The following CDK14 variants were observed in gnomAD, a reference collection of about 807,000 sequenced individuals.
The protein encoded by CDK14 is cyclin dependent kinase 14, also known as cyclin-dependent kinase 14.
In CDK14, 34 loss-of-function variants were observed where a neutral mutation model predicts 60.7. The observed-to-expected ratio is 0.56, with a 90% CI of 0.43 to 0.75. The LOEUF is 0.75. CDK14 is among the 30% of genes least tolerant of loss of function. CDK14 has a pLI of 0.00. For missense variants in CDK14, 482 were observed against 564.1 expected, an observed-to-expected ratio of 0.85 and a Z score of 1.47; for synonymous variants, 197 against 203.7, an observed-to-expected ratio of 0.97 and a Z score of 0.28.
rs1198790701 is a variant in CDK14, at chr7:90,872,546, T to C, written c.639+9277T>C. The stretch of plus-strand genomic sequence containing the variant: ...AATTGGTAGGACAAAATAAATTAAC[T>C]TCTTTTCTATCCTTTTCCCTAATGG... On this transcript the variant is annotated intron_variant, in intron 6 of 14. Coordinates refer to ENST00000380050, the MANE Select transcript of CDK14 (RefSeq NM_001287135.2). 2.0e-5 allele frequency among the ~76,000 whole-genome samples: 3 copies of C among 152,286 alleles called. No individual in the cohort carries two copies. The East Asian group carries it at 5.8e-4, about 29-fold the overall frequency.
intron 2 of CDK14, among the ~76,000 whole-genome samples, chr7:90,677,972 T>C (rs1801234493): frequency 6.6e-6 from 1 of 152,190 alleles, no homozygotes; most frequent in Non-Finnish European, 1.5e-5. Flanking sequence ...GCCACTGAGT[T>C]GCCTCTTCGG....
At chr7:91,176,034 T>C (rs569570572) in intron 14 of CDK14, among the ~76,000 whole-genome samples, 15 of 152,126 alleles carry the variant, frequency 9.9e-5, no homozygotes, top group African/African-American at 3.4e-4. Context: ...CCACACCTAT[T>C]CCAAAATTGA....
At chr7:91,047,090 C>A (rs570543865) in intron 11 of CDK14, among the ~76,000 whole-genome samples, 108 of 152,088 alleles carry the variant, frequency 7.1e-4, no homozygotes, top group Non-Finnish European at 1.3e-3. Context: ...GACTGACTTT[C>A]TTTTTTAAGC....
chr7:90,813,362 A>G (rs1789214751), intron 5 of CDK14, among the ~76,000 whole-genome samples: 1 of 152,222 alleles, frequency 6.6e-6, no homozygotes, highest in Non-Finnish European at 1.5e-5. Flanking sequence ...GGGCAACTGT[A>G]TAATAATTTA....
At chr7:90,952,505 T>C (rs1794293485) in intron 8 of CDK14, among the ~76,000 whole-genome samples, 1 of 152,184 alleles carries the variant, frequency 6.6e-6, no homozygotes, top group African/African-American at 2.4e-5. Context: ...TCTGGGGTCT[T>C]TCATTAGTTA....
chr7:90,713,138 C>T (rs1229196943), intron 2 of CDK14, among the ~76,000 whole-genome samples: 1 of 152,046 alleles, frequency 6.6e-6, no homozygotes, highest in Admixed American at 6.6e-5. Flanking sequence ...AGCCTAGCTT[C>T]ATCAATACAG....
At chr7:90,865,290 G>A (rs906181847) in intron 6 of CDK14, among the ~76,000 whole-genome samples, 1 of 152,058 alleles carries the variant, frequency 6.6e-6, no homozygotes, top group African/African-American at 2.4e-5. Context: ...ATTTAGGGTG[G>A]GAAGGTGTAG....
At chr7:90,960,971 C>A (rs777054987) in intron 9 of CDK14, among the ~76,000 whole-genome samples, 2 of 152,010 alleles carry the variant, frequency 1.3e-5, no homozygotes, top group Non-Finnish European at 2.9e-5. Flanking sequence ...ATTTTAATTA[C>A]TTACCTATTT....
intron 2 of CDK14, among the ~76,000 whole-genome samples, chr7:90,677,928 C>T (rs1310094412): frequency 1.3e-5 from 2 of 152,162 alleles, no homozygotes; most frequent in East Asian, 1.9e-4. Context: ...GGATGATGCC[C>T]AGTGGTGCCA....
At chr7:90,713,212 G>A (rs1268636906) in intron 2 of CDK14, among the ~76,000 whole-genome samples, 2 of 152,004 alleles carry the variant, frequency 1.3e-5, no homozygotes, top group Non-Finnish European at 2.9e-5. Flanking sequence ...TTTCTGAGGG[G>A]ACCCTTTTTA....
At chr7:90,995,646 C>T (rs1795661261) in intron 10 of CDK14, among the ~76,000 whole-genome samples, 1 of 152,190 alleles carries the variant, frequency 6.6e-6, no homozygotes, top group African/African-American at 2.4e-5. Flanking sequence ...CTTTGGAGAT[C>T]ATATGAACTT....
At chr7:90,705,863 A>G (rs1231175933) in intron 2 of CDK14, among the ~76,000 whole-genome samples, 1 of 151,630 alleles carries the variant, frequency 6.6e-6, no homozygotes, top group African/African-American at 2.4e-5. Context: ...CTACTGTTAA[A>G]CCCCGAGGGC....
chr7:90,631,755 A>G (rs987356107), intron 2 of CDK14, among the ~76,000 whole-genome samples: 25 of 152,196 alleles, frequency 1.6e-4, no homozygotes, highest in African/African-American at 3.6e-4. Context: ...CTTCAAGCAC[A>G]TGATTTTAGT....
Position 90,811,311 on chromosome 7 carries a change from C to T in CDK14, c.544+20659C>T, listed in dbSNP as rs141319980. On this transcript the variant is annotated intron_variant, in intron 5 of 14. Coordinates refer to ENST00000380050, the MANE Select transcript of CDK14 (RefSeq NM_001287135.2). ...AGAACAGAGCCCTCAGAAATAACGC[C>T]GCATATCTACAACTATCTGATCTTT... is the stretch of plus-strand genomic sequence containing the variant. 7.8e-3 allele frequency among the ~76,000 whole-genome samples: 1,190 copies of T among 151,802 alleles called. 5 individuals are homozygous for T. Among genetic ancestry groups the T allele is most frequent in the South Asian group, 0.016 (78 of 4,786 alleles).
At chr7:90,709,838 G>T in intron 2 of CDK14, 2 of 1,398,414 alleles carry the variant, frequency 1.4e-6, no homozygotes, top group Non-Finnish European at 1.9e-6. Context: ...ATTTCAGCTT[G>T]CTAGTGCAGA....
At chr7:90,857,555 G>A (rs1402178782) in intron 5 of CDK14, among the ~76,000 whole-genome samples, 1 of 152,140 alleles carries the variant, frequency 6.6e-6, no homozygotes, top group East Asian at 1.9e-4. Context: ...ATTGCCATAT[G>A]TTTACCTAAA....
At chr7:90,915,943 G>A (rs1793065497) in intron 7 of CDK14, among the ~76,000 whole-genome samples, 1 of 152,176 alleles carries the variant, frequency 6.6e-6, no homozygotes, top group Admixed American at 6.5e-5. Context: ...CTTACATTCT[G>A]ATAAGACTCT....
intron 9 of CDK14, among the ~76,000 whole-genome samples, chr7:90,968,198 T>C (rs1343950056): frequency 6.6e-6 from 1 of 152,212 alleles, no homozygotes; most frequent in Non-Finnish European, 1.5e-5. Context: ...ACTTAGATGT[T>C]TGTGGGTTTT....
intron 9 of CDK14, among the ~76,000 whole-genome samples, chr7:90,978,754 C>G (rs1452218229): frequency 1.3e-5 from 2 of 152,024 alleles, no homozygotes; most frequent in African/African-American, 4.8e-5. Flanking sequence ...TATCTTCAAT[C>G]AAGTTTAGAA....
Sources: allele counts gnomAD v4.1 joint callset (sites outside exome capture counted in the v4.1 genomes callset), GRCh38; gene constraint gnomAD v4.1.1; transcripts MANE v1.5; gene names NCBI Gene and HGNC (gene_info 2026-07-23, HGNC 2026-07-21).